PABPC4L: variants seen among roughly 807,000 people sequenced by gnomAD.
PABPC4L encodes the protein polyadenylate-binding protein 4-like.
For missense variants in PABPC4L, 452 were observed against 451.4 expected (o/e 1.00, Z -0.01); for synonymous variants, 169 against 164.1 (o/e 1.03, Z -0.23).
the PABPC4L span, among the ~76,000 whole-genome samples, chr4:134,104,571 C>T: frequency 1.3e-5 from 2 of 151,682 alleles, no homozygotes; most frequent in Non-Finnish European, 3.0e-5. Flanking sequence ...TCTCTCCCAA[C>T]TTGGTTGGTT....
the PABPC4L span, among the ~76,000 whole-genome samples, chr4:134,019,988 A>G: frequency 6.6e-6 from 1 of 152,132 alleles, no homozygotes; most frequent in Non-Finnish European, 1.5e-5. Flanking sequence ...TCAAGTGGCC[A>G]GAATGTATAA....
the PABPC4L span, among the ~76,000 whole-genome samples, chr4:134,186,867 C>G: frequency 1.3e-5 from 2 of 152,052 alleles, no homozygotes; most frequent in Non-Finnish European, 2.9e-5. Context: ...ACAACCCCAT[C>G]AAAAAGTGGG....
chr4:134,001,539 G>T, the PABPC4L span, among the ~76,000 whole-genome samples: 2 of 152,086 alleles, frequency 1.3e-5, no homozygotes, highest in Non-Finnish European at 2.9e-5. Flanking sequence ...GTCTAGAAAA[G>T]TATTTACTTA....
chr4:134,035,124 T>C, the PABPC4L span, among the ~76,000 whole-genome samples: 6 of 152,072 alleles, frequency 3.9e-5, no homozygotes, highest in Non-Finnish European at 2.9e-5. Flanking sequence ...AAAAAGATTA[T>C]GACTCTCTAA....
At chr4:134,114,786 A>C in the PABPC4L span, among the ~76,000 whole-genome samples, 2 of 151,878 alleles carry the variant, frequency 1.3e-5, no homozygotes, top group Admixed American at 1.3e-4. Context: ...AAAACTATAA[A>C]TATCTTTGGT....
chr4:134,015,465 T>C, the PABPC4L span, among the ~76,000 whole-genome samples: 1 of 152,102 alleles, frequency 6.6e-6, no homozygotes, highest in African/African-American at 2.4e-5. Context: ...CAGCCTCTCT[T>C]TGCTTTCACT....
At chr4:134,128,162 T>C in the PABPC4L span, among the ~76,000 whole-genome samples, 23 of 152,288 alleles carry the variant, frequency 1.5e-4, no homozygotes, top group Non-Finnish European at 3.4e-4. Flanking sequence ...TTTGGGATTA[T>C]GTTAAACGAC....
chr4:134,119,570 G>A, the PABPC4L span, among the ~76,000 whole-genome samples: 1 of 151,562 alleles, frequency 6.6e-6, no homozygotes, highest in African/African-American at 2.4e-5. Context: ...TATTTTTTAT[G>A]TAACCTATTT....
the PABPC4L span, among the ~76,000 whole-genome samples, chr4:134,029,299 G>A: frequency 6.6e-6 from 1 of 152,054 alleles, no homozygotes; most frequent in Non-Finnish European, 1.5e-5. Context: ...GGTCTGGGAA[G>A]ATGCAAAGGA....
the PABPC4L span, among the ~76,000 whole-genome samples, chr4:134,093,076 CTT>C: frequency 2.7e-4 from 41 of 151,438 alleles, no homozygotes; most frequent in Admixed American, 1.1e-3. Context: ...GCCATTTTCT[CTT>C]TGTCATGTCC....
At chr4:134,108,785 T>G in the PABPC4L span, among the ~76,000 whole-genome samples, 1 of 151,874 alleles carries the variant, frequency 6.6e-6, no homozygotes, top group African/African-American at 2.4e-5. Context: ...GTGTTCTCAC[T>G]CTGTATCTAT....
chr4:134,068,715 CT>C, the PABPC4L span, among the ~76,000 whole-genome samples: 289 of 144,332 alleles, frequency 2.0e-3, no homozygotes, highest in Admixed American at 3.2e-3. Flanking sequence ...TAAGATACAT[CT>C]TTTTTTTTTT....
At chr4:133,960,730 G>T in the PABPC4L span, among the ~76,000 whole-genome samples, 18 of 152,252 alleles carry the variant, frequency 1.2e-4, no homozygotes, top group South Asian at 3.7e-3. Flanking sequence ...GGGGGAGCAT[G>T]ATGGGAGTGA....
chr4:134,111,067 G>A, the PABPC4L span, among the ~76,000 whole-genome samples: 3 of 151,928 alleles, frequency 2.0e-5, no homozygotes, highest in East Asian at 1.9e-4. Flanking sequence ...TTTGAAAGTC[G>A]AAGATCAAGG....
chr4:134,080,994 C>T, the PABPC4L span, among the ~76,000 whole-genome samples: 1 of 152,014 alleles, frequency 6.6e-6, no homozygotes, highest in Non-Finnish European at 1.5e-5. Flanking sequence ...GAGTCAGACT[C>T]CAAAGCAATT....
At chr4:134,163,889 G>A in the PABPC4L span, among the ~76,000 whole-genome samples, 1 of 152,042 alleles carries the variant, frequency 6.6e-6, no homozygotes, top group Non-Finnish European at 1.5e-5. Flanking sequence ...CAAAATCATA[G>A]TTAACATGGA....
At chr4:134,143,084 T>G in the PABPC4L span, among the ~76,000 whole-genome samples, 1 of 151,434 alleles carries the variant, frequency 6.6e-6, no homozygotes, top group Non-Finnish European at 1.5e-5. Context: ...CCTGGTATTT[T>G]AGAAACTATA....
At chr4:134,156,278 G>A in the PABPC4L span, among the ~76,000 whole-genome samples, 1 of 151,926 alleles carries the variant, frequency 6.6e-6, no homozygotes, top group Non-Finnish European at 1.5e-5. Context: ...TGAGACATAT[G>A]TTTAACTGAC....
chr4:134,053,001 A>T, the PABPC4L span, among the ~76,000 whole-genome samples: 1 of 152,066 alleles, frequency 6.6e-6, no homozygotes, highest in Non-Finnish European at 1.5e-5. Flanking sequence ...TCTCTTTAAA[A>T]AATTCTGTTG....
Sources: allele counts gnomAD v4.1 joint callset (sites outside exome capture counted in the v4.1 genomes callset), GRCh38; gene constraint gnomAD v4.1.1; transcripts MANE v1.5; gene names NCBI Gene and HGNC (gene_info 2026-07-23, HGNC 2026-07-21).